DMPK: variants seen among roughly 807,000 people sequenced by gnomAD.
DMPK encodes DM1 protein kinase.
A neutral mutation model predicts 70.3 loss-of-function variants in DMPK; 32 were observed. The observed-to-expected ratio is 0.46, with a 90% CI of 0.34 to 0.61. The LOEUF is 0.61. Among genes scored for constraint, DMPK ranks in the 20% least tolerant of loss-of-function variants. The probability of loss-of-function intolerance (pLI) is 0.01; values close to 1 mark genes in which losing one functional copy is unlikely to be tolerated. For synonymous variants in DMPK, 469 were observed against 390.9 expected, an observed-to-expected ratio of 1.20 and a Z score of -2.36; for missense variants, 899 against 886.0, an observed-to-expected ratio of 1.01 and a Z score of -0.19.
In DMPK at chr19:45,778,636, C is replaced by G. The variant is rs372283432; in HGVS notation, c.438G>C (p.Leu146=). 6 of 1,613,410 alleles carry G rather than the reference C, an allele frequency of 3.7e-6. No homozygotes were observed. The African/African-American group carries it at 8.0e-5, about 22-fold the overall frequency. The change falls in exon 5 of 15, where the codon CTG becomes CTC. Residue 146 remains leucine (L), a synonymous_variant. Coordinates refer to ENST00000291270, the MANE Select transcript of DMPK (RefSeq NM_004409.5). ...FAFQDENYLY[L]VMEYYVGGDL... Reference sequence around the variant, plus strand: ...CCCCGCCCACGTAATACTCCATGACCAGGTACTGAGAAGGGGTTCGTCATG... The same window carrying G: ...CCCCGCCCACGTAATACTCCATGACGAGGTACTGAGAAGGGGTTCGTCATG...
chr19:45,771,281 C>CCAGG, intron 13 of DMPK, 69 bp downstream of exon 13: 1 of 1,537,566 alleles, frequency 6.5e-7, no homozygotes, highest in Non-Finnish European at 8.8e-7. Context: ...GACGGGGAGA[C>CCAGG]CAGGAGCCAG....
chr19:45,771,106 C>T, intron 13 of DMPK, 46 bp from the exon 14 acceptor site: 1 of 1,442,252 alleles, frequency 6.9e-7, no homozygotes, highest in Non-Finnish European at 9.4e-7. Context: ...CCAGCCCAGC[C>T]CTCAGCGGTG....
At position 45,774,798 on chromosome 19, in the gene DMPK, G is replaced by C. The variant is rs555604484; in HGVS notation, c.1232+151C>G. ...GAAGTACATAGATCTGAAAATTTAA[G>C]GTCCTCCAACTCTGGCCTCTTAGGA... On this transcript the variant is annotated intron_variant, in intron 9 of 14. Coordinates refer to ENST00000291270, the MANE Select transcript of DMPK (RefSeq NM_004409.5). The C allele has an allele frequency of 6.7e-6, 4 of 592,986 alleles. No homozygotes were observed. The Admixed American group carries it at 1.2e-4, about 18-fold the overall frequency. The allele number at this position is 592,986 out of a possible 1,614,324, so 36.7% of individuals were successfully genotyped here.
Position 45,777,964 on chromosome 19 carries a change from G to T in DMPK, c.676-91C>A. On this transcript the variant is annotated intron_variant, in intron 6 of 14. Coordinates refer to ENST00000291270, the MANE Select transcript of DMPK (RefSeq NM_004409.5). The surrounding 1 kb of genome is among the most constrained non-coding windows in gnomAD (Gnocchi z 6.7). ...CTTCCAACCACTCCCCAAATGCTTA[G>T]CCCCTCCCTCTGCCTGGTCTAATAC... is the stretch of plus-strand genomic sequence containing the variant. 2 of 1,342,496 alleles carry T rather than the reference G, an allele frequency of 1.5e-6. No individual in the cohort carries two copies. The highest frequency in any genetic ancestry group is 1.0e-6 in the Non-Finnish European group (1 of 969,920). 83.2% of individuals were successfully genotyped at this position (1,342,496 alleles called of 1,614,324 possible).
chr19:45,779,558 G>A (rs780263576), intron 2 of DMPK, 36 bp from the exon 3 acceptor site: 89 of 1,612,260 alleles, frequency 5.5e-5, no homozygotes, highest in African/African-American at 1.6e-4. Context: ...TGGAGACGGC[G>A]GGAAAACAAA....
At chr19:45,780,158 A>C in intron 1 of DMPK, 1 of 1,436,012 alleles carries the variant, frequency 7.0e-7, no homozygotes, top group Admixed American at 2.8e-5. Context: ...CGGAGTCTGC[A>C]GAAGGACAGA....
chr19:45,778,734 C>T, intron 4 of DMPK, 93 bp from the exon 5 acceptor site: 1 of 1,370,972 alleles, frequency 7.3e-7, no homozygotes, highest in Non-Finnish European at 1.0e-6. Context: ...GACACCCCAT[C>T]CTTGGGCAGA....
chr19:45,778,460 A>G lies in DMPK; in HGVS notation c.581+33T>C, dbSNP rs377696477. Reference sequence around the variant, plus strand: ...CTTCCAAGAACCCGGCCAGGGAACAAGCTTGCTATCCCCTCGGCCATGCTG... The same window carrying G: ...CTTCCAAGAACCCGGCCAGGGAACAGGCTTGCTATCCCCTCGGCCATGCTG... On this transcript the variant is annotated intron_variant, in intron 5 of 14. Transcript: ENST00000291270. 20 of 1,605,176 alleles carry G rather than the reference A, an allele frequency of 1.2e-5. No individual in the cohort carries two copies. In the African/African-American group the frequency reaches 1.9e-4, roughly 15 times the overall value.
chr19:45,780,022 AC>A (rs1970030451), intron 1 of DMPK, 153 bp from the exon 2 acceptor site: 2 of 1,550,506 alleles, frequency 1.3e-6, no homozygotes, highest in East Asian at 2.4e-5. Flanking sequence ...CCACATAAAC[AC>A]CGTGTAAGGT....
In DMPK at chr19:45,782,283, G is replaced by A. The variant is rs1188432660; in HGVS notation, c.70C>T (p.Pro24Ser). Residue 24 changes from proline (P) to serine (S), a missense_variant, in exon 1 of 15, where the codon CCC (proline) becomes TCC (serine). Pro to Ser is a moderately conservative substitution (Grantham distance 74). Coordinates refer to ENST00000291270, the MANE Select transcript of DMPK (RefSeq NM_004409.5). ...ACGCCCAGGAGAAGGTCGAGCAGGG[G>A]CTCCAGCCCCAGGAAGCCCGGGTCC... is the stretch of plus-strand genomic sequence containing the variant. ...VLDPGFLGLEPLLDLLLGVHQ... is the reference protein window; with the variant it reads ...VLDPGFLGLESLLDLLLGVHQ... 1.9e-6 allele frequency: 3 copies of A among 1,602,408 alleles called. No homozygotes were observed. The highest frequency in any genetic ancestry group is 2.3e-5 in the East Asian group (1 of 44,346).
Position 45,778,653 on chromosome 19 carries a change from T to A in DMPK, c.433-12A>T. On this transcript the variant is annotated splice_polypyrimidine_tract_variant and intron_variant, in intron 4 of 14. Transcript: ENST00000291270. The stretch of plus-strand genomic sequence containing the variant: ...TCCATGACCAGGTACTGAGAAGGGG[T>A]TCGTCATGGGTGGTTGGTAGTCCCC... 1 of 1,612,210 alleles carries A rather than the reference T, an allele frequency of 6.2e-7. No homozygotes were observed. Among genetic ancestry groups the A allele is most frequent in the Non-Finnish European group, 8.5e-7 (1 of 1,179,196 alleles).
At chr19:45,780,133 G>GT in intron 1 of DMPK, 1 of 1,442,504 alleles carries the variant, frequency 6.9e-7, no homozygotes. Context: ...GTGCAGGATG[G>GT]TTAGGGTGGG....
At position 45,778,586 on chromosome 19, in the gene DMPK, A is replaced by G; in HGVS notation, c.488T>C (p.Phe163Ser). Residue 163 changes from phenylalanine (F) to serine (S), a missense_variant, in exon 5 of 15, where the codon TTT becomes TCT. Transcript: ENST00000291270. ...CATCTCGGCCGGAATCCGCTCCCCA[A>G]ACTTGCTCAGCAGTGTCAGCAGGTC... Reference protein sequence around the residue: ...GGDLLTLLSKFGERIPAEMAR... With the variant: ...GGDLLTLLSKSGERIPAEMAR... 1 of 1,613,850 alleles carries G rather than the reference A, an allele frequency of 6.2e-7. No individual in the cohort carries two copies. The highest frequency in any genetic ancestry group is 8.5e-7 in the Non-Finnish European group (1 of 1,179,966).
At chr19:45,780,440 A>C in intron 1 of DMPK, 1 of 1,304,116 alleles carries the variant, frequency 7.7e-7, no homozygotes. Context: ...CCCAGACTCA[A>C]GTGCTCCGGT....
rs1969313986 is a variant in DMPK, at chr19:45,770,451, T to G, written c.*37A>C. 6.5e-7 allele frequency: 1 copy of G among 1,548,606 alleles called. No individual in the cohort carries two copies. The highest frequency in any genetic ancestry group is 1.4e-5 in the African/African-American group (1 of 72,978). On this transcript the variant is annotated 3_prime_UTR_variant, in exon 15 of 15. Coordinates refer to ENST00000291270, the MANE Select transcript of DMPK (RefSeq NM_004409.5). ...GTGCCGTGCCCCGGGCACTCAGTCT[T>G]CCAACGGGGCCCCGGAGTCGAAGAC...
chr19:45,777,123 T>G lies in DMPK; in HGVS notation c.1146+204A>C. On this transcript the variant is annotated intron_variant, in intron 8 of 14. Coordinates refer to ENST00000291270, the MANE Select transcript of DMPK (RefSeq NM_004409.5). The surrounding 1 kb of genome is among the most constrained non-coding windows in gnomAD (Gnocchi z 6.7). ...CTCAGCCCTGATCACTCTGGGGCCTTACTGTCTGAAGACTGCTCTGTGTTC... is the reference window on the plus strand; with the variant it reads ...CTCAGCCCTGATCACTCTGGGGCCTGACTGTCTGAAGACTGCTCTGTGTTC... The G allele has an allele frequency of 1.4e-6, 1 of 698,192 alleles. No individual in the cohort carries two copies. The highest frequency in any genetic ancestry group is 2.2e-6 in the Non-Finnish European group (1 of 445,392). The allele number at this position is 698,192 out of a possible 1,614,324, so 43.2% of individuals were successfully genotyped here. A position where few individuals can be genotyped will look rare whatever the true frequency, so the allele number is the denominator to read the frequency against.
At chr19:45,770,909 G>T in intron 14 of DMPK, 62 bp downstream of exon 14, 1 of 1,246,886 alleles carries the variant, frequency 8.0e-7, no homozygotes, top group Non-Finnish European at 1.1e-6. Context: ...CTAAGCGGGT[G>T]GCAAGGGGCG....
chr19:45,770,380 C>T lies in DMPK; in HGVS notation c.*108G>A. ...ACAGGACTGGAGCTGGGCGGAGACC[C>T]ACGCTCGGAGCGGTTGTGAACTGGC... is the stretch of plus-strand genomic sequence containing the variant. On this transcript the variant is annotated 3_prime_UTR_variant, in exon 15 of 15. Coordinates refer to ENST00000291270, the MANE Select transcript of DMPK (RefSeq NM_004409.5). 3.6e-6 allele frequency: 5 copies of T among 1,394,366 alleles called. No individual in the cohort carries two copies. The highest frequency in any genetic ancestry group is 5.0e-6 in the Non-Finnish European group (5 of 1,008,652). 86.4% of individuals were successfully genotyped at this position (1,394,366 alleles called of 1,614,324 possible). A position where few individuals can be genotyped will look rare whatever the true frequency, so the allele number is the denominator to read the frequency against.
At chr19:45,779,911 A>G (rs1026646520) in intron 1 of DMPK, 42 bp from the exon 2 acceptor site, 1 of 1,613,656 alleles carries the variant, frequency 6.2e-7, no homozygotes, top group Non-Finnish European at 8.5e-7. Context: ...GTCACCAGAA[A>G]GGGCACTGGA....
Sources: allele counts gnomAD v4.1 joint callset, GRCh38; gene constraint gnomAD v4.1.1; non-coding constraint Gnocchi (gnomAD v3.1); transcripts MANE v1.5; gene names NCBI Gene and HGNC (gene_info 2026-07-23, HGNC 2026-07-21).